Variants in TTC33 observed in about 807,000 individuals in gnomAD.
The protein encoded by TTC33 is tetratricopeptide repeat protein 33.
In TTC33, 24 loss-of-function variants were observed where a neutral mutation model predicts 29.4. That is an observed-to-expected ratio of 0.82 (90% CI 0.59 to 1.15). TTC33 has a LOEUF of 1.15. Among genes scored for constraint, TTC33 ranks in the 50% most tolerant of loss-of-function variants. The probability of loss-of-function intolerance (pLI) is 0.00; values close to 1 mark genes in which losing one functional copy is unlikely to be tolerated. For synonymous variants in TTC33, 107 were observed against 100.3 expected (o/e 1.07, Z -0.40); for missense variants, 286 against 310.4 (o/e 0.92, Z 0.59).
In TTC33 at chr5:40,716,028, GA is replaced by G; in HGVS notation, c.*116del. The G allele has an allele frequency of 1.2e-6, 1 of 852,274 alleles. No homozygotes were observed. The highest frequency in any genetic ancestry group is 1.8e-6 in the Non-Finnish European group (1 of 567,658). The allele number at this position is 852,274 out of a possible 1,614,324, so 52.8% of individuals were successfully genotyped here. A position where few individuals can be genotyped will look rare whatever the true frequency, so the allele number is the denominator to read the frequency against. On this transcript the variant is annotated 3_prime_UTR_variant, in exon 5 of 5. Coordinates refer to ENST00000337702, the MANE Select transcript of TTC33 (RefSeq NM_012382.3). ...ATTTTAGTTTTTATATGCCTCATCT[GA>G]AAAACATATTTTACAACCAGGCGTT...
In TTC33 at chr5:40,716,650, T is replaced by C; in HGVS notation, c.436-152A>G. On this transcript the variant is annotated intron_variant, in intron 4 of 4. Coordinates refer to ENST00000337702, the MANE Select transcript of TTC33 (RefSeq NM_012382.3). ...AACACAAAAGATGGAAGCTACGGTGTTGCCCTAAACACTGGGGAAAAAAAT... is the reference window on the plus strand; with the variant it reads ...AACACAAAAGATGGAAGCTACGGTGCTGCCCTAAACACTGGGGAAAAAAAT... The C allele has an allele frequency of 5.1e-6, 3 of 590,386 alleles. No homozygotes were observed. The South Asian group carries it at 7.9e-5, about 15-fold the overall frequency. The allele number at this position is 590,386 out of a possible 1,614,324, so 36.6% of individuals were successfully genotyped here.
At chr5:40,717,782 G>A (rs891813161) in intron 4 of TTC33, among the ~76,000 whole-genome samples, 9 of 152,086 alleles carry the variant, frequency 5.9e-5, no homozygotes, top group African/African-American at 1.2e-4. Flanking sequence ...GCACTTAATC[G>A]GCCAGGCACC....
intron 1 of TTC33, among the ~76,000 whole-genome samples, chr5:40,750,520 C>T (rs981014015): frequency 2.0e-5 from 3 of 151,982 alleles, no homozygotes; most frequent in East Asian, 1.9e-4. Flanking sequence ...ACCATGCCAC[C>T]GAACTCCACC....
rs192015616 is a variant in TTC33 at position 40,716,531 on chromosome 5, T to C, written c.436-33A>G. The C allele has an allele frequency of 6.6e-3, 9,574 of 1,451,072 alleles. 44 individuals are homozygous for C. The highest frequency in any genetic ancestry group is 0.028 in the Middle Eastern group (153 of 5,546). 89.9% of individuals were successfully genotyped at this position (1,451,072 alleles called of 1,614,324 possible). A position where few individuals can be genotyped will look rare whatever the true frequency, so the allele number is the denominator to read the frequency against. ...ATAAGGTCAGAGTTTTTTGTTTTGG[T>C]TTTAAAAATTAGTATGTTTAATACA... is the stretch of plus-strand genomic sequence containing the variant. On this transcript the variant is annotated intron_variant, in intron 4 of 4. Coordinates refer to ENST00000337702, the MANE Select transcript of TTC33 (RefSeq NM_012382.3).
chr5:40,754,722 G>A (rs1246338612), intron 1 of TTC33, among the ~76,000 whole-genome samples: 1 of 152,236 alleles, frequency 6.6e-6, no homozygotes, highest in South Asian at 2.1e-4. Flanking sequence ...TGACATCAGA[G>A]AAGAGACACT....
Position 40,730,281 on chromosome 5 carries a change from AG to A in TTC33, c.283del (p.Leu95TyrfsTer4). The stretch of plus-strand genomic sequence containing the variant: ...TATTACCTGTGATTTCATCTCGTAT[AG>A]GGTAGCATCATTTGGAGTTAACTGT... ...ALQLTPNDAT[L>X]YEMKSQVLMS... On this transcript the variant is annotated frameshift_variant, in exon 3 of 5. Transcript: ENST00000337702. LOFTEE classifies it high-confidence loss of function. 1.2e-6 allele frequency: 2 copies of A among 1,607,608 alleles called. No homozygotes were observed. The highest frequency in any genetic ancestry group is 1.7e-6 in the Non-Finnish European group (2 of 1,175,992).
intron 2 of TTC33, among the ~76,000 whole-genome samples, chr5:40,737,513 T>C (rs1365723118): frequency 6.6e-6 from 1 of 152,162 alleles, no homozygotes; most frequent in East Asian, 1.9e-4. Context: ...CATATAAAGA[T>C]ATATGAAACG....
At chr5:40,748,707 T>A (rs1742844050) in intron 1 of TTC33, among the ~76,000 whole-genome samples, 1 of 152,218 alleles carries the variant, frequency 6.6e-6, no homozygotes, top group Non-Finnish European at 1.5e-5. Context: ...ACTAATGAAG[T>A]TGAATGATGA....
intron 2 of TTC33, among the ~76,000 whole-genome samples, chr5:40,732,229 C>G (rs1579680261): frequency 6.6e-6 from 1 of 152,004 alleles, no homozygotes; most frequent in East Asian, 1.9e-4. Flanking sequence ...GTTGCTCAGG[C>G]TGGTCTCAAA....
chr5:40,724,640 CAAA>C (rs1742236323), intron 4 of TTC33, among the ~76,000 whole-genome samples: 1 of 150,550 alleles, frequency 6.6e-6, no homozygotes, highest in African/African-American at 2.4e-5. Context: ...CTCAAAAAAA[CAAA>C]AAACAAACAA....
intron 4 of TTC33, among the ~76,000 whole-genome samples, chr5:40,723,212 T>A (rs1312975647): frequency 6.6e-6 from 1 of 152,108 alleles, no homozygotes; most frequent in African/African-American, 2.4e-5. Context: ...AGATGTGCTT[T>A]GTTAAACAGA....
intron 4 of TTC33, among the ~76,000 whole-genome samples, chr5:40,721,265 C>T (rs1027543662): frequency 6.6e-6 from 1 of 152,184 alleles, no homozygotes; most frequent in East Asian, 1.9e-4. Context: ...GCTATCACCC[C>T]TTCCCTGAGC....
chr5:40,721,713 G>A (rs2111872763), intron 4 of TTC33, among the ~76,000 whole-genome samples: 1 of 149,752 alleles, frequency 6.7e-6, no homozygotes, highest in African/African-American at 2.4e-5. Flanking sequence ...AAAAAAACAG[G>A]GAAAACCTTC....
At position 40,746,827 on chromosome 5, in the gene TTC33, A is replaced by T; in HGVS notation, c.192T>A (p.Asp64Glu). Reference protein sequence around the residue: ...GCAEKSKQLKDEGASLAENKR... With the variant: ...GCAEKSKQLKEEGASLAENKR... ...TATTTTCAGCCAAACTGGCTCCTTC[A>T]TCCTTCAGCTGTTTACTTTTCTCAG... is the stretch of plus-strand genomic sequence containing the variant. The change falls in exon 2 of 5, where the codon GAT becomes GAA. Residue 64 changes from aspartate to glutamate, a missense_variant. Transcript: ENST00000337702. 4 of 1,613,286 alleles carry T rather than the reference A, an allele frequency of 2.5e-6. No homozygotes were observed. The highest frequency in any genetic ancestry group is 3.4e-6 in the Non-Finnish European group (4 of 1,179,776).
chr5:40,716,059 T>C lies in TTC33; in HGVS notation c.*86A>G. ...CATATTTTACAACCAGGCGTTCTCC[T>C]ATCTATCTCCAGAGTAAATGTCTCT... On this transcript the variant is annotated 3_prime_UTR_variant, in exon 5 of 5. Coordinates refer to ENST00000337702, the MANE Select transcript of TTC33 (RefSeq NM_012382.3). 1 of 1,145,776 alleles carries C rather than the reference T, an allele frequency of 8.7e-7. No homozygotes were observed. The highest frequency in any genetic ancestry group is 3.0e-5 in the Admixed American group (1 of 33,386). The allele number at this position is 1,145,776 out of a possible 1,614,324, so 71.0% of individuals were successfully genotyped here. A position where few individuals can be genotyped will look rare whatever the true frequency, so the allele number is the denominator to read the frequency against.
chr5:40,753,191 C>T (rs1467286585), intron 1 of TTC33, among the ~76,000 whole-genome samples: 1 of 151,882 alleles, frequency 6.6e-6, no homozygotes, highest in East Asian at 1.9e-4. Context: ...ATGGTGAAAC[C>T]CCGTCTCTAC....
chr5:40,749,777 T>C (rs568062445), intron 1 of TTC33, among the ~76,000 whole-genome samples: 1 of 152,346 alleles, frequency 6.6e-6, no homozygotes, highest in South Asian at 2.1e-4. Context: ...TTAAGTGTTA[T>C]AGCATCATAT....
chr5:40,711,783 CA>C lies in TTC33; in HGVS notation c.*4361del. 6.7e-6 allele frequency among the ~76,000 whole-genome samples: 1 copy of C among 150,148 alleles called. No individual in the cohort carries two copies. The highest frequency in any genetic ancestry group is 1.5e-5 in the Non-Finnish European group (1 of 67,420). On this transcript the variant is annotated 3_prime_UTR_variant, in exon 5 of 5. Coordinates refer to ENST00000337702, the MANE Select transcript of TTC33 (RefSeq NM_012382.3). ...TGGGTTTCAAAAGCATCATGTTAAG[CA>C]AAAAAAAAGTCAGACACAAAAAGAG...
At chr5:40,732,175 A>G (rs1742445705) in intron 2 of TTC33, among the ~76,000 whole-genome samples, 1 of 152,042 alleles carries the variant, frequency 6.6e-6, no homozygotes, top group Admixed American at 6.6e-5. Flanking sequence ...ATGGCCAGCT[A>G]ATTTTTTTAT....
Sources: allele counts gnomAD v4.1 joint callset (sites outside exome capture counted in the v4.1 genomes callset), GRCh38; gene constraint gnomAD v4.1.1; transcripts MANE v1.5; gene names NCBI Gene and HGNC (gene_info 2026-07-23, HGNC 2026-07-21).